SLC26A5: variants seen among roughly 807,000 people sequenced by gnomAD.
The protein encoded by SLC26A5 is prestin.
Under a neutral mutation model 81.0 loss-of-function variants are expected in SLC26A5, and 51 were observed. The observed-to-expected ratio is 0.63, with a 90% CI of 0.50 to 0.80. SLC26A5 has a LOEUF of 0.80. Among genes scored for constraint, SLC26A5 ranks in the 30% least tolerant of loss-of-function variants. The probability of loss-of-function intolerance (pLI) is 0.00; values close to 1 mark genes in which losing one functional copy is unlikely to be tolerated. For synonymous variants in SLC26A5, 325 were observed against 332.8 expected (o/e 0.98, Z 0.25); for missense variants, 771 against 905.8 (o/e 0.85, Z 1.91).
intron 19 of SLC26A5, chr7:103,362,805 TTTTTTTTTGAGGCGGAG>T: frequency 6.9e-7 from 1 of 1,442,824 alleles, no homozygotes; most frequent in Non-Finnish European, 9.6e-7. Flanking sequence ...TTTTTTTTTT[TTTTTTTTTGAGGCGGAG>T]TTTCACTCTT....
At chr7:103,363,651 G>T (rs1441371691) in intron 19 of SLC26A5, among the ~76,000 whole-genome samples, 1 of 151,642 alleles carries the variant, frequency 6.6e-6, no homozygotes, top group African/African-American at 2.4e-5. Context: ...AAAAAAGAAA[G>T]ATCTGCTGTT....
At chr7:103,357,889 T>A (rs1001095756) in intron 19 of SLC26A5, among the ~76,000 whole-genome samples, 5 of 152,232 alleles carry the variant, frequency 3.3e-5, no homozygotes, top group African/African-American at 1.2e-4. Flanking sequence ...AGTTATACCT[T>A]AGTTGCATCT....
Position 103,411,468 on chromosome 7 carries a change from C to T in SLC26A5, c.522G>A (p.Leu174=). 6.2e-7 allele frequency: 1 copy of T among 1,614,214 alleles called. No homozygotes were observed. Among genetic ancestry groups the T allele is most frequent in the Non-Finnish European group, 8.5e-7 (1 of 1,180,044 alleles). Residue 174 remains leucine (L), a synonymous_variant, in exon 6 of 20, where the codon TTG becomes TTA. Transcript: ENST00000306312. ...TCACAGACATGGCGACTTTCACTCT[C>T]AAGGCATCTCTGGCCTCTGTGCCAT... ...ATNGTEARDA[L]RVKVAMSVTL...
intron 14 of SLC26A5, among the ~76,000 whole-genome samples, chr7:103,382,346 CT>C (rs755840628): frequency 2.8e-3 from 325 of 114,330 alleles, no homozygotes; most frequent in African/African-American, 5.0e-3. Flanking sequence ...GCCCTATTTC[CT>C]TTTTTTTTTT....
chr7:103,381,208 CCA>C (rs1335873728), intron 14 of SLC26A5, among the ~76,000 whole-genome samples: 1 of 151,224 alleles, frequency 6.6e-6, no homozygotes, highest in Non-Finnish European at 1.5e-5. Context: ...ACACCTCATA[CCA>C]CACATATACA....
chr7:103,413,081 A>T lies in SLC26A5; in HGVS notation c.324T>A (p.Pro108=), dbSNP rs374374082. The T allele has an allele frequency of 6.2e-7, 1 of 1,613,842 alleles. No individual in the cohort carries two copies. The highest frequency in any genetic ancestry group is 8.5e-7 in the Non-Finnish European group (1 of 1,179,884). Reference sequence around the variant, plus strand: ...ATGAAGAGTACAGGCCAAATATTGGAGGCACAGCTGCCAGCATTGCAAAGG... The same window carrying T: ...ATGAAGAGTACAGGCCAAATATTGGTGGCACAGCTGCCAGCATTGCAAAGG... ...GLAFAMLAAV[P]PIFGLYSSFY... The change falls in exon 5 of 20, where the codon CCT becomes CCA. Residue 108 remains proline (P), a synonymous_variant. Transcript: ENST00000306312.
At chr7:103,360,681 T>G (rs1280095670) in intron 19 of SLC26A5, among the ~76,000 whole-genome samples, 1 of 152,232 alleles carries the variant, frequency 6.6e-6, no homozygotes, top group Non-Finnish European at 1.5e-5. Flanking sequence ...TGAGTTCTGT[T>G]TTTTGTTTTT....
At position 103,440,284 on chromosome 7, in the gene SLC26A5, A is replaced by T. The variant is rs537667024; in HGVS notation, c.-54+2799T>A. On this transcript the variant is annotated intron_variant, in intron 2 of 19. Coordinates refer to ENST00000306312, the MANE Select transcript of SLC26A5 (RefSeq NM_198999.3). ...GAGATTGTTGTTAAAAGTGTTCAAT[A>T]AACAGGCACTGGCTAAGAAATTTTT... Among the ~76,000 whole-genome samples the T allele has an allele frequency of 1.8e-4, 28 of 152,356 alleles. No individual in the cohort carries two copies. In the South Asian group the frequency reaches 5.6e-3, roughly 30 times the overall value.
chr7:103,444,832 T>G (rs879447336), intron 1 of SLC26A5, among the ~76,000 whole-genome samples: 1 of 152,214 alleles, frequency 6.6e-6, no homozygotes, highest in Non-Finnish European at 1.5e-5. Context: ...TGCAAATTAG[T>G]TTGAATTTCT....
chr7:103,397,104 GAAA>G (rs771771741), intron 9 of SLC26A5, among the ~76,000 whole-genome samples: 1 of 89,520 alleles, frequency 1.1e-5, no homozygotes, highest in South Asian at 3.9e-4. Flanking sequence ...CAAAAAAAAA[GAAA>G]AAAAAAAAAA....
Position 103,368,058 on chromosome 7 carries a change from C to T in SLC26A5, c.2041+8750G>A, listed in dbSNP as rs1284996723. On this transcript the variant is annotated intron_variant, in intron 19 of 19. Transcript: ENST00000339444. Reference sequence around the variant, plus strand: ...TCGTTACATGACATACAACTGAACCCTGAAGGCTTTCAAGTGAAAACTTTA... The same window carrying T: ...TCGTTACATGACATACAACTGAACCTTGAAGGCTTTCAAGTGAAAACTTTA... 4 of 1,594,826 alleles carry T rather than the reference C, an allele frequency of 2.5e-6. No individual in the cohort carries two copies. In the African/African-American group the frequency reaches 4.1e-5, roughly 16 times the overall value.
At chr7:103,377,547 G>T in intron 18 of SLC26A5, 52 bp downstream of exon 18, 5 of 1,506,212 alleles carry the variant, frequency 3.3e-6, no homozygotes, top group African/African-American at 1.4e-5. Flanking sequence ...TATGCTGATA[G>T]TACGACACCA....
chr7:103,404,219 CT>C (rs1258159361), intron 8 of SLC26A5, among the ~76,000 whole-genome samples: 1 of 152,004 alleles, frequency 6.6e-6, no homozygotes, highest in African/African-American at 2.4e-5. Flanking sequence ...GAATTTGATC[CT>C]GTCATTATGA....
chr7:103,427,220 T>C (rs936401083), intron 2 of SLC26A5, among the ~76,000 whole-genome samples: 2 of 151,852 alleles, frequency 1.3e-5, no homozygotes, highest in African/African-American at 4.8e-5. Context: ...ATTACAGGTG[T>C]GCGCCACCAC....
intron 1 of SLC26A5, chr7:103,445,640 C>A (rs1422968219): frequency 2.0e-5 from 3 of 152,378 alleles, no homozygotes; most frequent in Admixed American, 2.0e-4. Context: ...GCGGCCAATG[C>A]CGGGCAAGCC....
intron 7 of SLC26A5, 35 bp from the exon 8 acceptor site, chr7:103,408,038 G>A (rs570730242): frequency 6.2e-7 from 1 of 1,613,602 alleles, no homozygotes; most frequent in Non-Finnish European, 8.5e-7. Flanking sequence ...TTTACATCAA[G>A]AAATCGCCCC....
At chr7:103,409,006 G>A (rs1824276065) in intron 7 of SLC26A5, among the ~76,000 whole-genome samples, 1 of 152,156 alleles carries the variant, frequency 6.6e-6, no homozygotes, top group African/African-American at 2.4e-5. Context: ...TAAGAATTTT[G>A]TTATTTAGAG....
rs950613120 is a variant in SLC26A5 at position 103,364,981 on chromosome 7, A to ATATATATATTTATT, written c.2041+11826_2041+11827insAATAAATATATATA. On this transcript the variant is annotated intron_variant, in intron 19 of 19. Transcript: ENST00000339444. ...TACATATATATATATATATATATAT[A>ATATATATATTTATT]TATTTAGAGAATAAGTCTAGGGCTA... Among the ~76,000 whole-genome samples the ATATATATATTTATT allele has an allele frequency of 2.1e-3, 297 of 140,772 alleles. 1 individual carries two copies. The highest frequency in any genetic ancestry group is 7.4e-3 in the African/African-American group (284 of 38,154). 92.4% of individuals were successfully genotyped at this position (140,772 alleles called of 152,430 possible).
intron 2 of SLC26A5, among the ~76,000 whole-genome samples, chr7:103,441,265 T>C (rs1366639919): frequency 6.6e-6 from 1 of 152,226 alleles, no homozygotes; most frequent in Non-Finnish European, 1.5e-5. Flanking sequence ...ACACTGTTTT[T>C]TGTCTTCTAG....
Sources: allele counts gnomAD v4.1 joint callset (sites outside exome capture counted in the v4.1 genomes callset), GRCh38; gene constraint gnomAD v4.1.1; transcripts MANE v1.5; gene names NCBI Gene and HGNC (gene_info 2026-07-23, HGNC 2026-07-21).